Variants in SLC22A15 observed in about 807,000 individuals in gnomAD.
SLC22A15 encodes flipt 1.
Under a neutral mutation model 62.7 loss-of-function variants are expected in SLC22A15, and 45 were observed. That is an observed-to-expected ratio of 0.72 (90% CI 0.56 to 0.92). The LOEUF (loss-of-function observed/expected upper bound fraction) is 0.92. SLC22A15 is among the 40% of genes least tolerant of loss of function. SLC22A15 has a pLI of 0.00. For missense variants in SLC22A15, 622 were observed against 665.6 expected, an observed-to-expected ratio of 0.93 and a Z score of 0.72; for synonymous variants, 264 against 267.0, an observed-to-expected ratio of 0.99 and a Z score of 0.11.
intron 8 of SLC22A15, among the ~76,000 whole-genome samples, chr1:116,054,817 C>T (rs938800813): frequency 5.9e-5 from 9 of 152,036 alleles, no homozygotes; most frequent in Admixed American, 1.3e-4. Flanking sequence ...GGGTACATAA[C>T]GAAATGAAGG....
At position 116,037,311 on chromosome 1, in the gene SLC22A15, G is replaced by T; in HGVS notation, c.1094G>T (p.Arg365Leu). 6.2e-7 allele frequency: 1 copy of T among 1,612,846 alleles called. No homozygotes were observed. Among genetic ancestry groups the T allele is most frequent in the Non-Finnish European group, 8.5e-7 (1 of 1,179,044 alleles). Residue 365 changes from arginine (R) to leucine (L), a missense_variant, in exon 8 of 12, where the codon CGG becomes CTG. Physicochemically the swap from Arg to Leu is moderately radical, Grantham distance 102. Coordinates refer to ENST00000369503, the MANE Select transcript of SLC22A15 (RefSeq NM_018420.3). ...TTCTTTCTATTGTTTAGGTTTGGTC[G>T]GAAGCGAACATTATCAGCATTTCTG... ...IYLINQKWFG[R>L]KRTLSAFLCL... is the part of the protein sequence containing the mutation.
intron 2 of SLC22A15, among the ~76,000 whole-genome samples, chr1:115,999,007 TTTTCTTCTTAA>T (rs1265811912): frequency 6.6e-6 from 1 of 152,232 alleles, no homozygotes; most frequent in East Asian, 1.9e-4. Context: ...AATTTTTAAA[TTTTCTTCTTAA>T]TTTCTTCTTT....
At chr1:116,000,889 C>G (rs1655697072) in intron 2 of SLC22A15, among the ~76,000 whole-genome samples, 1 of 152,082 alleles carries the variant, frequency 6.6e-6, no homozygotes, top group South Asian at 2.1e-4. Context: ...GCCTTGGCCT[C>G]CCAAAGTGCT....
At position 116,035,220 on chromosome 1, in the gene SLC22A15, T is replaced by C. The variant is rs1251040376; in HGVS notation, c.978T>C (p.Thr326=). 6.2e-7 allele frequency: 1 copy of C among 1,613,300 alleles called. No individual in the cohort carries two copies. The highest frequency in any genetic ancestry group is 1.1e-5 in the South Asian group (1 of 90,984). The change falls in exon 7 of 12, where the codon ACT becomes ACC. Residue 326 remains threonine (T), a synonymous_variant. Coordinates refer to ENST00000369503, the MANE Select transcript of SLC22A15 (RefSeq NM_018420.3). ...GCAGCTTGGTGTATTATGGCCTAACTCTGAGTGCGGGTGATCTAGGTGGAA... is the reference window on the plus strand; with the variant it reads ...GCAGCTTGGTGTATTATGGCCTAACCCTGAGTGCGGGTGATCTAGGTGGAA... ...FVCSLVYYGL[T]LSAGDLGGSI...
intron 2 of SLC22A15, among the ~76,000 whole-genome samples, chr1:115,999,971 C>G (rs1055559315): frequency 6.6e-6 from 1 of 152,156 alleles, no homozygotes; most frequent in East Asian, 1.9e-4. Context: ...TTTTCCATCC[C>G]TTTATTTTCA....
chr1:116,056,691 C>G (rs1448322595), intron 8 of SLC22A15, among the ~76,000 whole-genome samples: 2 of 152,114 alleles, frequency 1.3e-5, no homozygotes, highest in Non-Finnish European at 2.9e-5. Context: ...CAGCATGGTA[C>G]TGGTACCAAA....
chr1:116,044,604 T>C (rs2101507480), intron 8 of SLC22A15, among the ~76,000 whole-genome samples: 1 of 152,324 alleles, frequency 6.6e-6, no homozygotes, highest in South Asian at 2.1e-4. Context: ...ACTGTCTTTA[T>C]TCACCAGACT....
intron 1 of SLC22A15, among the ~76,000 whole-genome samples, chr1:115,987,323 G>A (rs573841071): frequency 2.0e-5 from 3 of 151,958 alleles, no homozygotes; most frequent in East Asian, 1.9e-4. Context: ...CTGCCACCAC[G>A]CCCAGCTAAT....
At chr1:116,021,422 A>C (rs1656831983) in intron 4 of SLC22A15, among the ~76,000 whole-genome samples, 1 of 152,254 alleles carries the variant, frequency 6.6e-6, no homozygotes, top group Non-Finnish European at 1.5e-5. Context: ...CATAGATAGT[A>C]AAATAAATGA....
chr1:116,024,205 G>C (rs1656981008), intron 4 of SLC22A15, among the ~76,000 whole-genome samples: 1 of 152,220 alleles, frequency 6.6e-6, no homozygotes, highest in African/African-American at 2.4e-5. Flanking sequence ...GGAGAAGAAA[G>C]AGGATGTGTC....
intron 2 of SLC22A15, among the ~76,000 whole-genome samples, chr1:116,007,231 G>T (rs1362704425): frequency 6.6e-6 from 1 of 152,168 alleles, no homozygotes; most frequent in Non-Finnish European, 1.5e-5. Context: ...ACAACATGGG[G>T]AGCAGGGCAT....
rs974953328 is a variant in SLC22A15, at chr1:116,051,780, G to A, written c.1172-10982G>A. ...CCAGCAGCTGCTCGAGGTCCACACC[G>A]CGGTGATACATCCTCTTCACAGACT... is the stretch of plus-strand genomic sequence containing the variant. On this transcript the variant is annotated intron_variant, in intron 8 of 11. Coordinates refer to ENST00000369503, the MANE Select transcript of SLC22A15 (RefSeq NM_018420.3). Among the ~76,000 whole-genome samples the A allele has an allele frequency of 1.2e-4, 19 of 152,266 alleles. No homozygotes were observed. The East Asian group carries it at 1.4e-3, about 11-fold the overall frequency.
intron 4 of SLC22A15, among the ~76,000 whole-genome samples, chr1:116,023,789 G>T (rs146221031): frequency 6.6e-6 from 1 of 152,290 alleles, no homozygotes; most frequent in Non-Finnish European, 1.5e-5. Flanking sequence ...CCTCGATGTG[G>T]GTGTTTGATC....
In SLC22A15 at chr1:116,031,541, C is replaced by T. The variant is rs576800965; in HGVS notation, c.904C>T (p.Arg302Trp). ...TGSFLDLFRY[R>W]VLLGHTLILM... is the part of the protein sequence containing the mutation. ...AAGTTTCCTGGATCTCTTTCGTTAC[C>T]GGGTCCTGTTAGGACACACTTTGAT... The change falls in exon 6 of 12, where the codon CGG becomes TGG. Residue 302 changes from arginine (R) to tryptophan (W), a missense_variant. Physicochemically the swap from Arg to Trp is moderately radical, Grantham distance 101 (BLOSUM62 -3). Transcript: ENST00000369503. 185 of 1,613,964 alleles carry T rather than the reference C, an allele frequency of 1.1e-4. No individual in the cohort carries two copies. The highest frequency in any genetic ancestry group is 8.3e-4 in the Middle Eastern group (5 of 6,054).
At chr1:116,032,542 C>G (rs528581625) in intron 6 of SLC22A15, 35 of 985,134 alleles carry the variant, frequency 3.6e-5, no homozygotes, top group Non-Finnish European at 4.2e-5. Context: ...GAATAAGAAG[C>G]TGCAAAGATA....
intron 1 of SLC22A15, among the ~76,000 whole-genome samples, chr1:115,988,140 C>T (rs1654964933): frequency 1.3e-5 from 2 of 152,192 alleles, no homozygotes; most frequent in African/African-American, 4.8e-5. Flanking sequence ...TGTTCTCCTT[C>T]CCTAGAGGTA....
chr1:115,999,128 A>G (rs1655580471), intron 2 of SLC22A15, among the ~76,000 whole-genome samples: 1 of 152,068 alleles, frequency 6.6e-6, no homozygotes, highest in Non-Finnish European at 1.5e-5. Context: ...TTCCATTGTG[A>G]TTGGAGAAGA....
At chr1:116,060,007 A>C (rs905402830) in intron 8 of SLC22A15, among the ~76,000 whole-genome samples, 1 of 152,144 alleles carries the variant, frequency 6.6e-6, no homozygotes. Flanking sequence ...AGTTTTGCTT[A>C]TGTCTTTTAA....
intron 8 of SLC22A15, among the ~76,000 whole-genome samples, chr1:116,051,986 G>A (rs923300248): frequency 2.0e-5 from 3 of 152,240 alleles, no homozygotes; most frequent in Non-Finnish European, 2.9e-5. Context: ...CGCAGAAGAT[G>A]GGTGATTTCT....
Sources: allele counts gnomAD v4.1 joint callset (sites outside exome capture counted in the v4.1 genomes callset), GRCh38; gene constraint gnomAD v4.1.1; transcripts MANE v1.5; gene names NCBI Gene and HGNC (gene_info 2026-07-23, HGNC 2026-07-21).